Variants in TMEM114 observed in about 807,000 individuals in gnomAD.
The protein encoded by TMEM114 is claudin-26.
In TMEM114, 6 loss-of-function variants were observed where a neutral mutation model predicts 6.2. The ratio of observed to expected loss-of-function variants is 0.97; its 90% CI spans 0.53 to 1.91. The LOEUF is 1.91. Ranked by LOEUF, TMEM114 falls within the 40% of genes most tolerant of loss-of-function variation. The probability of loss-of-function intolerance (pLI) is 0.01; values close to 1 mark genes in which losing one functional copy is unlikely to be tolerated. For synonymous variants in TMEM114, 104 were observed against 73.0 expected, an observed-to-expected ratio of 1.42 and a Z score of -2.16; for missense variants, 218 against 158.3, an observed-to-expected ratio of 1.38 and a Z score of -2.02.
chr16:8,588,603 A>G (rs968074952), intron 2 of TMEM114, among the ~76,000 whole-genome samples: 31 of 152,208 alleles, frequency 2.0e-4, no homozygotes, highest in Non-Finnish European at 3.8e-4. Flanking sequence ...ACTGAGTTCC[A>G]GGCACTGAGC....
chr16:8,533,464 G>A (rs1055448422), downstream of TMEM114, among the ~76,000 whole-genome samples: 1 of 152,192 alleles, frequency 6.6e-6, no homozygotes, highest in Non-Finnish European at 1.5e-5. Flanking sequence ...GGGCGAGGTG[G>A]TTATGGTTCA....
downstream of TMEM114, among the ~76,000 whole-genome samples, chr16:8,535,878 A>G (rs1900341710): frequency 6.6e-6 from 1 of 152,208 alleles, no homozygotes; most frequent in Non-Finnish European, 1.5e-5. Context: ...GTCGATCCTG[A>G]GCAAGTGTCT....
At chr16:8,562,629 T>TGAGTGAGTGAGG (rs1901296263) in intron 2 of TMEM114, among the ~76,000 whole-genome samples, 2 of 151,510 alleles carry the variant, frequency 1.3e-5, no homozygotes, top group African/African-American at 4.9e-5. Context: ...AGTGAGTGAA[T>TGAGTGAGTGAGG]GAATCAGTCA....
At chr16:8,564,220 A>G (rs945910642) in intron 2 of TMEM114, among the ~76,000 whole-genome samples, 1 of 28,252 alleles carries the variant, frequency 3.5e-5, no homozygotes, top group African/African-American at 1.4e-4. Context: ...TGAGTGAGTT[A>G]GTGAATGAGT....
chr16:8,536,463 C>T (rs766392152), downstream of TMEM114, among the ~76,000 whole-genome samples: 2 of 152,066 alleles, frequency 1.3e-5, no homozygotes, highest in Non-Finnish European at 2.9e-5. Context: ...CTTGTAACCT[C>T]GGTATCTCAA....
intron 2 of TMEM114, among the ~76,000 whole-genome samples, chr16:8,575,124 G>A (rs111638723): frequency 1.8e-4 from 27 of 152,316 alleles, no homozygotes; most frequent in African/African-American, 5.8e-4. Context: ...TGGTGGATAT[G>A]TAGTTTCAGA....
At chr16:8,538,442 T>A (rs1158117159) in intron 2 of TMEM114, among the ~76,000 whole-genome samples, 1 of 152,166 alleles carries the variant, frequency 6.6e-6, no homozygotes, top group Non-Finnish European at 1.5e-5. Flanking sequence ...CATGGAATTT[T>A]GGACCATATG....
At chr16:8,562,412 ATGAG>A (rs746781773) in intron 2 of TMEM114, among the ~76,000 whole-genome samples, 1 of 79,842 alleles carries the variant, frequency 1.3e-5, no homozygotes, top group African/African-American at 4.7e-5. Context: ...GAATGAGTAA[ATGAG>A]TGAGTGAATA....
In TMEM114 at chr16:8,589,805, C is replaced by T. The variant is rs1206795194; in HGVS notation, c.34G>A (p.Ala12Thr). The change falls in exon 1 of 4, where the codon GCT becomes ACT. Residue 12 changes from alanine (A) to threonine (T), a missense_variant. Physicochemically the swap from Ala to Thr is moderately conservative, Grantham distance 58. Transcript: ENST00000620492. ...RVHLGGLAGA[A>T]ALTGALSFVL... Reference sequence around the variant, plus strand: ...AAGCTGAGCGCCCCGGTCAGCGCAGCCGCGCCGGCCAGCCCGCCCAGGTGC... The same window carrying T: ...AAGCTGAGCGCCCCGGTCAGCGCAGTCGCGCCGGCCAGCCCGCCCAGGTGC... 7 of 398,392 alleles carry T rather than the reference C, an allele frequency of 1.8e-5. No individual in the cohort carries two copies. Among genetic ancestry groups the T allele is most frequent in the Non-Finnish European group, 2.7e-5 (6 of 226,074 alleles). 24.7% of individuals were successfully genotyped at this position (398,392 alleles called of 1,614,324 possible).
intron 2 of TMEM114, among the ~76,000 whole-genome samples, chr16:8,546,044 G>T (rs1293088426): frequency 6.6e-6 from 1 of 152,178 alleles, no homozygotes; most frequent in Non-Finnish European, 1.5e-5. Flanking sequence ...GAGCCCAGAA[G>T]ATGGAAGCTA....
intron 2 of TMEM114, among the ~76,000 whole-genome samples, chr16:8,579,466 A>ATG (rs1902060296): frequency 6.6e-6 from 1 of 151,454 alleles, no homozygotes; most frequent in Admixed American, 6.6e-5. Context: ...ATATATATAT[A>ATG]TATGTGTGTC....
At chr16:8,533,150 T>C (rs561624482), downstream of TMEM114, among the ~76,000 whole-genome samples, 12 of 98,894 alleles carry the variant, frequency 1.2e-4, no homozygotes, top group East Asian at 2.4e-3. Flanking sequence ...AAAGCACACA[T>C]AAACAAAAGC....
chr16:8,540,776 G>A (rs542366961), intron 2 of TMEM114, among the ~76,000 whole-genome samples: 5 of 152,302 alleles, frequency 3.3e-5, no homozygotes, highest in East Asian at 3.9e-4. Flanking sequence ...AGAATCACAC[G>A]AATAACTGCT....
intron 2 of TMEM114, among the ~76,000 whole-genome samples, chr16:8,558,051 C>T (rs189255440): frequency 1.0e-3 from 154 of 152,106 alleles, no homozygotes; most frequent in Non-Finnish European, 1.8e-3. Flanking sequence ...GTCAGGAGCT[C>T]GACACCAGCT....
At chr16:8,530,756 G>A in the TMEM114 span, among the ~76,000 whole-genome samples, 5 of 152,046 alleles carry the variant, frequency 3.3e-5, no homozygotes, top group South Asian at 8.3e-4. Context: ...GGGCATTGTG[G>A]CTCATGCTCA....
At position 8,569,920 on chromosome 16, in the gene TMEM114, C is replaced by A. The variant is rs1179795918; in HGVS notation, c.525G>T (p.Lys175Asn). 11 of 1,551,204 alleles carry A rather than the reference C, an allele frequency of 7.1e-6. No individual in the cohort carries two copies. In the East Asian group the frequency reaches 2.7e-4, roughly 38 times the overall value. Residue 175 changes from lysine (K) to asparagine (N), a missense_variant, in exon 4 of 4, where the codon AAG becomes AAT. By Grantham distance (94) the Lys-to-Asn change is moderately conservative. Transcript: ENST00000620492. The stretch of plus-strand genomic sequence containing the variant: ...TGATGTCCACCTGGTCCAGGAGGGC[C>A]TTCTCCTCCAAGAGACACAGCGCCT... The part of the protein sequence containing the change: ...FREALCLLEE[K>N]ALLDQVDISF...
rs574090018 is a variant in TMEM114 at position 8,562,894 on chromosome 16, G to C, written n.213-25068C>G. ...TAAATGAGTGAGGGAGGGAGGGAAT[G>C]AGTGAATGAGTGAGTGAATGAGTAA... On this transcript the variant is annotated intron_variant and non_coding_transcript_variant, in intron 2 of 2. Coordinates refer to the TMEM114 transcript ENST00000623677. 8.0e-4 allele frequency among the ~76,000 whole-genome samples: 120 copies of C among 149,538 alleles called. No homozygotes were observed. In the Middle Eastern group the frequency reaches 0.014, roughly 18 times the overall value.
chr16:8,554,152 C>G (rs1237524209), intron 2 of TMEM114, among the ~76,000 whole-genome samples: 1 of 152,072 alleles, frequency 6.6e-6, no homozygotes, highest in Non-Finnish European at 1.5e-5. Context: ...GACTACTTCA[C>G]TGTAACAGAA....
intron 2 of TMEM114, among the ~76,000 whole-genome samples, chr16:8,540,439 T>C (rs187226198): frequency 6.6e-6 from 1 of 152,202 alleles, no homozygotes; most frequent in African/African-American, 2.4e-5. Flanking sequence ...CATCAGATTG[T>C]CATAAGTGTT....
Sources: gnomAD v4.1 joint callset for allele counts (sites outside exome capture counted in the v4.1 genomes callset) on GRCh38, gnomAD v4.1.1 for gene constraint, MANE v1.5 for transcripts, NCBI Gene and HGNC (gene_info 2026-07-23, HGNC 2026-07-21) for gene names.